Variants in ELAVL2 observed in about 807,000 individuals in gnomAD.
ELAVL2 encodes the protein ELAV-like protein 2.
Under a neutral mutation model 34.6 loss-of-function variants are expected in ELAVL2, and 4 were observed. The observed-to-expected ratio is 0.12, with a 90% CI of 0.06 to 0.26. The LOEUF is 0.26. ELAVL2 is among the 10% of genes least tolerant of loss of function. The pLI is 1.00. For synonymous variants in ELAVL2, 193 were observed against 154.8 expected, an observed-to-expected ratio of 1.25 and a Z score of -1.83; for missense variants, 432 against 442.8, an observed-to-expected ratio of 0.98 and a Z score of 0.22.
intron 3 of ELAVL2, among the ~76,000 whole-genome samples, chr9:23,730,022 G>C (rs117471239): frequency 5.1e-4 from 77 of 152,180 alleles, no homozygotes; most frequent in East Asian, 4.1e-3. Context: ...GTTCAAACTT[G>C]AGTCAATTGA....
intron 1 of ELAVL2, among the ~76,000 whole-genome samples, chr9:23,793,423 G>C (rs754647090): frequency 3.0e-4 from 46 of 152,222 alleles, no homozygotes; most frequent in Non-Finnish European, 2.1e-4. Context: ...TCCTAAGTAA[G>C]GTCTAGAGAC....
intron 4 of ELAVL2, among the ~76,000 whole-genome samples, chr9:23,703,013 G>T (rs80094218): frequency 7.8e-6 from 1 of 128,306 alleles, no homozygotes; most frequent in Admixed American, 9.5e-5. Context: ...CACCTAAATC[G>T]GTGGTCCTCC....
At chr9:23,697,427 G>A (rs1587236189) in intron 5 of ELAVL2, among the ~76,000 whole-genome samples, 1 of 152,088 alleles carries the variant, frequency 6.6e-6, no homozygotes, top group Non-Finnish European at 1.5e-5. Flanking sequence ...TAGGTACATG[G>A]AAAATGAAGC....
At chr9:23,789,618 A>C (rs1478419755) in intron 1 of ELAVL2, among the ~76,000 whole-genome samples, 1 of 152,166 alleles carries the variant, frequency 6.6e-6, no homozygotes, top group Non-Finnish European at 1.5e-5. Context: ...TTTTGTCTTA[A>C]GATGATTTCC....
rs1172900723 is a variant in ELAVL2 at position 23,735,289 on chromosome 9, T to C, written c.230-4164A>G. On this transcript the variant is annotated intron_variant, in intron 2 of 6. Transcript: ENST00000397312. ...AAACCATTAATTCAAATCTTTCTTC[T>C]TTTGAGGCAAGGTCTCTCTCTCTGT... 2.6e-5 allele frequency: 4 copies of C among 152,158 alleles called. No homozygotes were observed. The East Asian group carries it at 7.7e-4, about 29-fold the overall frequency. 9.4% of individuals were successfully genotyped at this position (152,158 alleles called of 1,614,324 possible).
At chr9:23,798,592 C>T (rs2137534417) in intron 1 of ELAVL2, among the ~76,000 whole-genome samples, 1 of 152,264 alleles carries the variant, frequency 6.6e-6, no homozygotes, top group African/African-American at 2.4e-5. Context: ...TACCCTTTGA[C>T]ATCTGATAAA....
chr9:23,722,129 T>C (rs2043884841), intron 3 of ELAVL2, among the ~76,000 whole-genome samples: 1 of 152,136 alleles, frequency 6.6e-6, no homozygotes, highest in Non-Finnish European at 1.5e-5. Flanking sequence ...CTAAAAGTAA[T>C]GATAGGAATG....
intron 2 of ELAVL2, among the ~76,000 whole-genome samples, chr9:23,758,157 T>C (rs948712966): frequency 5.3e-5 from 8 of 152,054 alleles, no homozygotes; most frequent in Non-Finnish European, 8.8e-5. Context: ...CAAAGAACTC[T>C]GGTCTGTCCC....
chr9:23,804,468 CTCTT>C (rs2061965760), intron 1 of ELAVL2, among the ~76,000 whole-genome samples: 1 of 152,132 alleles, frequency 6.6e-6, no homozygotes, highest in African/African-American at 2.4e-5. Context: ...TCAGCACATA[CTCTT>C]TATTTACAGA....
intron 1 of ELAVL2, among the ~76,000 whole-genome samples, chr9:23,816,623 T>C (rs890824683): frequency 1.3e-5 from 2 of 152,186 alleles, no homozygotes; most frequent in Admixed American, 6.5e-5. Flanking sequence ...TTCAACTGTA[T>C]GGTGATATAA....
chr9:23,728,530 T>C (rs78849174), intron 3 of ELAVL2, among the ~76,000 whole-genome samples: 3,029 of 152,046 alleles, frequency 0.02, 92 homozygotes, highest in African/African-American at 0.069. Context: ...AGAAACACCA[T>C]AGAGTTTTGA....
chr9:23,773,006 G>C (rs1226806175), intron 1 of ELAVL2, among the ~76,000 whole-genome samples: 2 of 151,980 alleles, frequency 1.3e-5, no homozygotes, highest in Non-Finnish European at 2.9e-5. Context: ...AACACACCTA[G>C]GTACATCTGT....
chr9:23,761,532 A>AGTGAAAAT (rs202185298), intron 2 of ELAVL2, among the ~76,000 whole-genome samples: 1,614 of 152,190 alleles, frequency 0.011, 15 homozygotes, highest in Non-Finnish European at 0.018. Context: ...GTATTATATC[A>AGTGAAAAT]GTGAAAATGT....
At chr9:23,712,425 T>C (rs2041222422) in intron 3 of ELAVL2, among the ~76,000 whole-genome samples, 1 of 152,140 alleles carries the variant, frequency 6.6e-6, no homozygotes, top group Non-Finnish European at 1.5e-5. Context: ...TTTTCTTGTA[T>C]ACACATAAGG....
chr9:23,824,367 T>A (rs967684505), intron 1 of ELAVL2, among the ~76,000 whole-genome samples: 1 of 152,174 alleles, frequency 6.6e-6, no homozygotes, highest in Non-Finnish European at 1.5e-5. Flanking sequence ...GCTCCAGTGG[T>A]GGGCACTGCC....
chr9:23,768,095 C>T (rs74966514), intron 1 of ELAVL2, among the ~76,000 whole-genome samples: 2 of 152,194 alleles, frequency 1.3e-5, no homozygotes, highest in African/African-American at 4.8e-5. Flanking sequence ...ACAATGTTCC[C>T]AGGTAGACTT....
At chr9:23,830,033 T>A (rs775041718), upstream of ELAVL2, 1 of 152,238 alleles carries the variant, frequency 6.6e-6, no homozygotes, top group African/African-American at 2.4e-5. Flanking sequence ...TCCACTGTCC[T>A]GTTTTACATA....
intron 1 of ELAVL2, chr9:23,821,377 G>A (rs958740452): frequency 1.3e-5 from 2 of 152,168 alleles, no homozygotes; most frequent in African/African-American, 2.4e-5. Flanking sequence ...CACCTCCCGA[G>A]GCGCCCAATT....
At chr9:23,752,167 A>G (rs2052241163) in intron 2 of ELAVL2, among the ~76,000 whole-genome samples, 1 of 152,210 alleles carries the variant, frequency 6.6e-6, no homozygotes, top group African/African-American at 2.4e-5. Context: ...AGAAGAGGAC[A>G]GGAAAGAGAG....
Sources: gnomAD v4.1 joint callset for allele counts (sites outside exome capture counted in the v4.1 genomes callset) on GRCh38, gnomAD v4.1.1 for gene constraint, MANE v1.5 for transcripts, NCBI Gene and HGNC (gene_info 2026-07-23, HGNC 2026-07-21) for gene names.